Variants in CALCRL observed in about 807,000 individuals in gnomAD.
The protein encoded by CALCRL is calcitonin gene-related peptide type 1 receptor.
A neutral mutation model predicts 60.4 loss-of-function variants in CALCRL; 27 were observed. The observed-to-expected ratio is 0.45, with a 90% CI of 0.33 to 0.62. The LOEUF is 0.62. Ranked by LOEUF, CALCRL falls within the 20% of genes least tolerant of loss-of-function variation. The pLI is 0.03. For missense variants in CALCRL, 424 were observed against 540.7 expected (o/e 0.78, Z 2.14); for synonymous variants, 190 against 182.6 (o/e 1.04, Z -0.33).
At chr2:187,424,123 T>C (rs1423338491) in intron 1 of CALCRL, among the ~76,000 whole-genome samples, 1 of 152,058 alleles carries the variant, frequency 6.6e-6, no homozygotes, top group South Asian at 2.1e-4. Context: ...ATAGGTGTCA[T>C]ATAAAACAGC....
intron 1 of CALCRL, among the ~76,000 whole-genome samples, chr2:187,418,897 C>T (rs1207556802): frequency 1.4e-5 from 2 of 147,034 alleles, no homozygotes; most frequent in East Asian, 4.0e-4. Flanking sequence ...TGCTCTGTCA[C>T]CAGGCTGGGG....
chr2:187,400,921 A>T (rs1688861564), intron 1 of CALCRL, among the ~76,000 whole-genome samples: 1 of 151,516 alleles, frequency 6.6e-6, no homozygotes, highest in South Asian at 2.1e-4. Context: ...GGGTACAGGG[A>T]TTTTATTCAG....
intron 1 of CALCRL, among the ~76,000 whole-genome samples, chr2:187,419,298 C>A (rs1388593376): frequency 2.0e-5 from 3 of 152,048 alleles, no homozygotes; most frequent in Admixed American, 2.0e-4. Context: ...AAATGCGTAT[C>A]CCTAATCTAA....
At chr2:187,409,501 A>C (rs13013032) in intron 1 of CALCRL, among the ~76,000 whole-genome samples, 4,043 of 152,344 alleles carry the variant, frequency 0.027, 77 homozygotes, top group Non-Finnish European at 0.038. Flanking sequence ...CATAACCTGC[A>C]GTGAAATTAT....
chr2:187,378,887 G>T, intron 8 of CALCRL, 53 bp downstream of exon 8: 1 of 941,096 alleles, frequency 1.1e-6, no homozygotes, highest in Non-Finnish European at 1.7e-6. Context: ...ACATGATGGG[G>T]CATTCACCCA....
At chr2:187,362,905 A>G (rs1282642335) in intron 9 of CALCRL, among the ~76,000 whole-genome samples, 1 of 152,122 alleles carries the variant, frequency 6.6e-6, no homozygotes, top group East Asian at 1.9e-4. Context: ...CCTGATACAA[A>G]AAATATAATT....
At chr2:187,423,127 G>A (rs1689956409) in intron 1 of CALCRL, among the ~76,000 whole-genome samples, 1 of 151,988 alleles carries the variant, frequency 6.6e-6, no homozygotes, top group Non-Finnish European at 1.5e-5. Flanking sequence ...GACCTTCAAA[G>A]ATATGTCTGA....
At chr2:187,350,714 T>C (rs2105693920) in intron 14 of CALCRL, among the ~76,000 whole-genome samples, 1 of 151,858 alleles carries the variant, frequency 6.6e-6, no homozygotes, top group South Asian at 2.1e-4. Flanking sequence ...TTATAGTTTT[T>C]CATGATGTGT....
intron 1 of CALCRL, among the ~76,000 whole-genome samples, chr2:187,435,894 G>GTA (rs1690624769): frequency 6.6e-6 from 1 of 151,260 alleles, no homozygotes; most frequent in Non-Finnish European, 1.5e-5. Flanking sequence ...GTGTGTGTGT[G>GTA]TATTTACCCC....
chr2:187,382,303 G>C (rs1214363116), intron 5 of CALCRL, among the ~76,000 whole-genome samples: 2 of 152,082 alleles, frequency 1.3e-5, no homozygotes, highest in Non-Finnish European at 2.9e-5. Context: ...AAATTACAAA[G>C]TACATTATGA....
At chr2:187,390,548 T>C (rs1209565645) in intron 1 of CALCRL, among the ~76,000 whole-genome samples, 2 of 152,176 alleles carry the variant, frequency 1.3e-5, no homozygotes, top group African/African-American at 2.4e-5. Context: ...TTGTTGCTTA[T>C]CTAATAGGCT....
intron 1 of CALCRL, among the ~76,000 whole-genome samples, chr2:187,431,831 G>C (rs1315069815): frequency 2.0e-5 from 3 of 151,910 alleles, no homozygotes; most frequent in African/African-American, 7.2e-5. Context: ...AGTAAAGCAA[G>C]CTAAGGGAGA....
At chr2:187,355,682 T>C (rs565818550) in intron 12 of CALCRL, among the ~76,000 whole-genome samples, 67 of 152,158 alleles carry the variant, frequency 4.4e-4, no homozygotes, top group African/African-American at 1.5e-3. Context: ...AAATAAAGGG[T>C]ATTTGAATAG....
intron 8 of CALCRL, among the ~76,000 whole-genome samples, chr2:187,375,584 A>C (rs2105768170): frequency 1.3e-5 from 2 of 152,312 alleles, no homozygotes; most frequent in South Asian, 4.1e-4. Flanking sequence ...TAACAAATGC[A>C]TGTATTTATT....
chr2:187,366,949 C>CAA (rs1312469629), intron 8 of CALCRL, among the ~76,000 whole-genome samples: 2 of 151,540 alleles, frequency 1.3e-5, no homozygotes, highest in Non-Finnish European at 2.9e-5. Context: ...CACACACACA[C>CAA]ACACACACAC....
At chr2:187,400,676 T>C (rs543084317) in intron 1 of CALCRL, among the ~76,000 whole-genome samples, 1 of 151,576 alleles carries the variant, frequency 6.6e-6, no homozygotes, top group East Asian at 1.9e-4. Flanking sequence ...ATATTCCCTA[T>C]AATGAAATAT....
intron 12 of CALCRL, among the ~76,000 whole-genome samples, chr2:187,355,047 G>A (rs1466768172): frequency 6.6e-6 from 1 of 152,010 alleles, no homozygotes; most frequent in Admixed American, 6.6e-5. Flanking sequence ...AGGAAACTTG[G>A]AAGGCATTTT....
chr2:187,401,432 T>C (rs1210176576), intron 1 of CALCRL, among the ~76,000 whole-genome samples: 1 of 151,714 alleles, frequency 6.6e-6, no homozygotes, highest in Non-Finnish European at 1.5e-5. Context: ...ATTTTATATA[T>C]ATAGAACTGC....
Position 187,343,904 on chromosome 2 carries a change from A to G in CALCRL, c.*2280T>C, listed in dbSNP as rs1686181083. ...CGCCTCAAGACTCTACAACAGACAA[A>G]CCCTGGCTATAAAATAAATCTGATC... is the stretch of plus-strand genomic sequence containing the variant. On this transcript the variant is annotated 3_prime_UTR_variant, in exon 15 of 15. Transcript: ENST00000392370. 1 of 151,594 alleles carries G rather than the reference A, an allele frequency of 6.6e-6. No homozygotes were observed. Among genetic ancestry groups the G allele is most frequent in the South Asian group, 2.1e-4 (1 of 4,828 alleles). 9.4% of individuals were successfully genotyped at this position (151,594 alleles called of 1,614,324 possible).
Sources: gnomAD v4.1 joint callset for allele counts (sites outside exome capture counted in the v4.1 genomes callset) on GRCh38, gnomAD v4.1.1 for gene constraint, MANE v1.5 for transcripts, NCBI Gene and HGNC (gene_info 2026-07-23, HGNC 2026-07-21) for gene names.